DYM: variants seen among roughly 807,000 people sequenced by gnomAD.
DYM encodes dymeclin.
Under a neutral mutation model 93.1 loss-of-function variants are expected in DYM, and 78 were observed. The observed-to-expected ratio is 0.84, with a 90% CI of 0.70 to 1.01. The LOEUF is 1.01. Among genes scored for constraint, DYM ranks in the 50% least tolerant of loss-of-function variants. DYM has a pLI of 0.00. For missense variants in DYM, 789 were observed against 845.0 expected, an observed-to-expected ratio of 0.93 and a Z score of 0.82; for synonymous variants, 321 against 319.7, an observed-to-expected ratio of 1.00 and a Z score of -0.04.
intron 13 of DYM, among the ~76,000 whole-genome samples, chr18:49,213,327 T>C (rs1943008): frequency 0.69 from 103,047 of 148,440 alleles, 38,213 homozygotes; most frequent in Non-Finnish European, 0.81. Context: ...GATGGAGTTT[T>C]GCCCTGTTGC....
intron 15 of DYM, among the ~76,000 whole-genome samples, chr18:49,143,668 A>T (rs1159802641): frequency 2.0e-5 from 3 of 152,186 alleles, no homozygotes; most frequent in Non-Finnish European, 4.4e-5. Context: ...TGAAATAAAC[A>T]TAAAATTTAC....
chr18:49,155,015 A>G (rs1433972923), intron 15 of DYM, among the ~76,000 whole-genome samples: 1 of 152,184 alleles, frequency 6.6e-6, no homozygotes, highest in Non-Finnish European at 1.5e-5. Flanking sequence ...ACCCATGTAG[A>G]TTGATTTCAT....
Position 49,042,409 on chromosome 18 carries a change from C to T in DYM, c.*1646G>A, listed in dbSNP as rs560603597. Reference sequence around the variant, plus strand: ...GATAGGGAAGCTTCCTGCCCTACCTCGACAGCCTCTAAGAGCACAGCTTGG... The same window carrying T: ...GATAGGGAAGCTTCCTGCCCTACCTTGACAGCCTCTAAGAGCACAGCTTGG... On this transcript the variant is annotated 3_prime_UTR_variant, in exon 18 of 18. Transcript: ENST00000675505. 12 of 152,460 alleles carry T rather than the reference C, an allele frequency of 7.9e-5. No homozygotes were observed. The highest frequency in any genetic ancestry group is 5.2e-4 in the Admixed American group (8 of 15,304). The allele number at this position is 152,460 out of a possible 1,614,324, so 9.4% of individuals were successfully genotyped here.
intron 14 of DYM, among the ~76,000 whole-genome samples, chr18:49,164,037 C>T (rs1484560207): frequency 1.3e-5 from 2 of 152,022 alleles, no homozygotes; most frequent in East Asian, 3.9e-4. Context: ...GTTTCAAACA[C>T]AGGAGCATTT....
intron 15 of DYM, among the ~76,000 whole-genome samples, chr18:49,156,538 C>G (rs1018557179): frequency 6.6e-6 from 1 of 151,920 alleles, no homozygotes; most frequent in Non-Finnish European, 1.5e-5. Flanking sequence ...TCGAGACCAG[C>G]CTGGCCAACA....
At chr18:49,099,751 G>A (rs1044673397) in intron 16 of DYM, among the ~76,000 whole-genome samples, 7 of 152,190 alleles carry the variant, frequency 4.6e-5, no homozygotes, top group Admixed American at 2.0e-4. Context: ...AAGATGCATC[G>A]TTTATTACAG....
At chr18:49,261,531 C>T (rs1021153126) in intron 11 of DYM, among the ~76,000 whole-genome samples, 17 of 152,250 alleles carry the variant, frequency 1.1e-4, no homozygotes, top group African/African-American at 3.6e-4. Flanking sequence ...GGCGAGGTGG[C>T]GTGCACCTGT....
At chr18:49,217,484 A>G (rs1414750157) in intron 13 of DYM, among the ~76,000 whole-genome samples, 1 of 152,172 alleles carries the variant, frequency 6.6e-6, no homozygotes, top group African/African-American at 2.4e-5. Context: ...GAAGGAAAAA[A>G]TGTTAAGGGC....
intron 15 of DYM, among the ~76,000 whole-genome samples, chr18:49,160,102 C>T (rs886777664): frequency 1.3e-5 from 2 of 152,102 alleles, no homozygotes; most frequent in Non-Finnish European, 2.9e-5. Flanking sequence ...GTATGTAATC[C>T]TGATCATACA....
rs139465568 is a variant in DYM, at chr18:49,046,367, C to A, written c.2026-2163G>T. Among the ~76,000 whole-genome samples, 3 of 149,204 alleles carry A rather than the reference C, an allele frequency of 2.0e-5. No individual in the cohort carries two copies. The East Asian group carries it at 5.9e-4, about 29-fold the overall frequency. On this transcript the variant is annotated intron_variant, in intron 17 of 17. Coordinates refer to ENST00000675505, the MANE Select transcript of DYM (RefSeq NM_001353214.3). ...CACCCAGACATGCACATACAGACAA[C>A]ACAGACATGCACACACACACACACC...
chr18:49,231,153 C>G (rs147599894), intron 13 of DYM, among the ~76,000 whole-genome samples: 27 of 152,266 alleles, frequency 1.8e-4, no homozygotes, highest in African/African-American at 6.3e-4. Context: ...AAAGGGTTTT[C>G]TAATTTTCAA....
At chr18:49,398,419 C>T (rs986790481) in intron 2 of DYM, among the ~76,000 whole-genome samples, 9 of 152,154 alleles carry the variant, frequency 5.9e-5, no homozygotes, top group African/African-American at 2.2e-4. Context: ...CTAACCCAAG[C>T]CTAGCCCAAG....
rs528056327 is a variant in DYM at position 49,045,116 on chromosome 18, G to C, written c.2026-912C>G. ...TGCCAAGGCGTCGCTGGCAGGAGTG[G>C]CTGCAGCTTGGTGACCCTTGTCCCA... On this transcript the variant is annotated intron_variant, in intron 17 of 17. Transcript: ENST00000675505. Among the ~76,000 whole-genome samples, 22 of 152,338 alleles carry C rather than the reference G, an allele frequency of 1.4e-4. No individual in the cohort carries two copies. In the South Asian group the frequency reaches 2.9e-3, roughly 20 times the overall value.
intron 2 of DYM, among the ~76,000 whole-genome samples, chr18:49,417,135 G>A (rs2073084810): frequency 6.6e-6 from 1 of 152,096 alleles, no homozygotes; most frequent in African/African-American, 2.4e-5. Context: ...TGTATAAGGT[G>A]GTAGCGGTGG....
intron 17 of DYM, among the ~76,000 whole-genome samples, chr18:49,062,927 G>A (rs1198111827): frequency 6.6e-6 from 1 of 152,190 alleles, no homozygotes; most frequent in Non-Finnish European, 1.5e-5. Flanking sequence ...GAAAGCCAAT[G>A]AGGCAATACC....
At chr18:49,361,044 C>T (rs1294875999) in intron 6 of DYM, among the ~76,000 whole-genome samples, 1 of 152,264 alleles carries the variant, frequency 6.6e-6, no homozygotes, top group Non-Finnish European at 1.5e-5. Context: ...TTGACCCAAA[C>T]TATGTCACAT....
At chr18:49,117,465 C>T (rs187830918) in intron 16 of DYM, among the ~76,000 whole-genome samples, 1 of 152,246 alleles carries the variant, frequency 6.6e-6, no homozygotes, top group East Asian at 1.9e-4. Flanking sequence ...TGTTTCATAT[C>T]TTTATTAGCC....
chr18:49,406,122 G>C (rs2071467326), intron 2 of DYM, among the ~76,000 whole-genome samples: 1 of 152,186 alleles, frequency 6.6e-6, no homozygotes, highest in African/African-American at 2.4e-5. Context: ...TTCTGGAGGA[G>C]TTTTTAGGAT....
At chr18:49,269,036 A>G (rs918452591) in intron 11 of DYM, among the ~76,000 whole-genome samples, 1 of 152,204 alleles carries the variant, frequency 6.6e-6, no homozygotes, top group East Asian at 1.9e-4. Flanking sequence ...TTGATATAAA[A>G]TATTTTCAAA....
Sources: gnomAD v4.1 joint callset for allele counts (sites outside exome capture counted in the v4.1 genomes callset) on GRCh38, gnomAD v4.1.1 for gene constraint, MANE v1.5 for transcripts, NCBI Gene and HGNC (gene_info 2026-07-23, HGNC 2026-07-21) for gene names.